TRHDE: variants seen among roughly 807,000 people sequenced by gnomAD.
TRHDE encodes the protein thyrotropin-releasing hormone-degrading ectoenzyme.
A neutral mutation model predicts 125.7 loss-of-function variants in TRHDE; 72 were observed. The observed-to-expected ratio is 0.57, with a 90% CI of 0.47 to 0.70. The LOEUF is 0.70. TRHDE is among the 30% of genes least tolerant of loss of function. The pLI, the probability that TRHDE is intolerant of heterozygous loss-of-function variation, is 0.00. For synonymous variants in TRHDE, 509 were observed against 509.1 expected, an observed-to-expected ratio of 1.00 and a Z score of 0.00; for missense variants, 1,110 against 1,327.1, an observed-to-expected ratio of 0.84 and a Z score of 2.54.
At chr12:72,564,314 C>T (rs1399010308) in intron 9 of TRHDE, among the ~76,000 whole-genome samples, 1 of 152,076 alleles carries the variant, frequency 6.6e-6, no homozygotes, top group East Asian at 1.9e-4. Context: ...TGATGTCTGG[C>T]CCCAGGCAAA....
Position 72,156,535 on chromosome 12 carries a change from T to G in TRHDE, n.279+50783T>G, listed in dbSNP as rs1267058311. 3.3e-5 allele frequency among the ~76,000 whole-genome samples: 5 copies of G among 152,236 alleles called. No individual in the cohort carries two copies. The East Asian group carries it at 9.7e-4, about 29-fold the overall frequency. On this transcript the variant is annotated intron_variant and non_coding_transcript_variant, in intron 2 of 4. Coordinates refer to the TRHDE transcript ENST00000548156. ...TCTGTTCCTATGCGGCCATCTTGGC[T>G]CCACCCCATGAGTCTTAAATAGATT... is the stretch of plus-strand genomic sequence containing the variant.
chr12:72,360,735 A>G (rs1025949894), intron 2 of TRHDE, among the ~76,000 whole-genome samples: 14 of 151,820 alleles, frequency 9.2e-5, no homozygotes, highest in Admixed American at 8.6e-4. Context: ...GTGAAAGCCA[A>G]TACTTCATGA....
chr12:72,657,089 A>G, intron 18 of TRHDE, 81 bp downstream of exon 18: 1 of 899,802 alleles, frequency 1.1e-6, no homozygotes, highest in Admixed American at 2.0e-5. Flanking sequence ...ATTTCTTTCC[A>G]ACAGATTCAC....
chr12:72,181,245 C>T (rs1877090581), intron 2 of TRHDE, among the ~76,000 whole-genome samples: 1 of 152,100 alleles, frequency 6.6e-6, no homozygotes, highest in Non-Finnish European at 1.5e-5. Context: ...GTTGGGTCAT[C>T]CTTGACTTTT....
At chr12:72,347,054 G>A (rs752491105) in intron 2 of TRHDE, among the ~76,000 whole-genome samples, 1 of 152,048 alleles carries the variant, frequency 6.6e-6, no homozygotes, top group Non-Finnish European at 1.5e-5. Flanking sequence ...CAGTGATACT[G>A]GATTAGGGGC....
intron 12 of TRHDE, among the ~76,000 whole-genome samples, chr12:72,592,708 C>CTTTTTT (rs35446767): frequency 1.4e-5 from 2 of 144,588 alleles, no homozygotes; most frequent in African/African-American, 2.5e-5. Context: ...TCTTTTCTTT[C>CTTTTTT]TTTTTTTTTT....
intron 3 of TRHDE, among the ~76,000 whole-genome samples, chr12:72,433,732 A>G (rs985076407): frequency 6.7e-6 from 1 of 150,170 alleles, no homozygotes; most frequent in Non-Finnish European, 1.5e-5. Flanking sequence ...GGTCAAAGAC[A>G]TATGACAAAT....
intron 10 of TRHDE, among the ~76,000 whole-genome samples, chr12:72,571,341 A>G (rs776508988): frequency 3.3e-5 from 5 of 152,122 alleles, no homozygotes; most frequent in Non-Finnish European, 4.4e-5. Context: ...CAATCAGGTC[A>G]ATGTTTTTGT....
chr12:72,424,021 T>C (rs1200414821), intron 3 of TRHDE, among the ~76,000 whole-genome samples: 1 of 152,196 alleles, frequency 6.6e-6, no homozygotes, highest in Non-Finnish European at 1.5e-5. Context: ...ACAAACTGGA[T>C]AACCACGTAC....
intron 7 of TRHDE, among the ~76,000 whole-genome samples, chr12:72,560,178 A>C (rs1057149123): frequency 3.3e-5 from 5 of 152,184 alleles, no homozygotes; most frequent in Admixed American, 3.3e-4. Context: ...TCTGAATATT[A>C]GGGTTACTGA....
intron 3 of TRHDE, among the ~76,000 whole-genome samples, chr12:72,460,392 C>T (rs914470089): frequency 6.6e-6 from 1 of 152,118 alleles, no homozygotes; most frequent in African/African-American, 2.4e-5. Flanking sequence ...GTAGCATATG[C>T]ACTGCATTGT....
intron 7 of TRHDE, among the ~76,000 whole-genome samples, chr12:72,559,249 T>C (rs1404312758): frequency 2.0e-5 from 3 of 152,232 alleles, no homozygotes; most frequent in African/African-American, 7.2e-5. Context: ...TAGGCACTAT[T>C]CATTCTTTTA....
At chr12:72,264,944 T>G (rs1189123671) in intron 2 of TRHDE, among the ~76,000 whole-genome samples, 1 of 151,642 alleles carries the variant, frequency 6.6e-6, no homozygotes, top group African/African-American at 2.4e-5. Context: ...AGCCAAAAGT[T>G]TCATTCAATC....
Position 72,618,881 on chromosome 12 carries a change from T to C in TRHDE, c.2322-10T>C, listed in dbSNP as rs747799600. 8.1e-6 allele frequency: 12 copies of C among 1,485,864 alleles called. No individual in the cohort carries two copies. In the South Asian group the frequency reaches 1.4e-4, roughly 17 times the overall value. The allele number at this position is 1,485,864 out of a possible 1,614,324, so 92.0% of individuals were successfully genotyped here. ...CATCATCATGTATCTTTTTTTTTTT[T>C]TAACTGTAGGGCTGGCTATTTGCCT... On this transcript the variant is annotated splice_polypyrimidine_tract_variant and intron_variant, in intron 12 of 18. Transcript: ENST00000261180.
intron 3 of TRHDE, among the ~76,000 whole-genome samples, chr12:72,441,142 A>G (rs935308228): frequency 2.0e-5 from 3 of 151,846 alleles, no homozygotes; most frequent in African/African-American, 7.3e-5. Flanking sequence ...AAAAAAATCA[A>G]TGGATAAATT....
At chr12:72,517,107 T>G (rs1441729090) in intron 6 of TRHDE, among the ~76,000 whole-genome samples, 1 of 151,796 alleles carries the variant, frequency 6.6e-6, no homozygotes, top group East Asian at 1.9e-4. Context: ...AAAATTCTCT[T>G]TTTTGGTTGT....
intron 9 of TRHDE, among the ~76,000 whole-genome samples, chr12:72,566,303 C>G (rs1592540549): frequency 6.6e-6 from 1 of 151,120 alleles, no homozygotes; most frequent in Non-Finnish European, 1.5e-5. Context: ...AAAAATTATT[C>G]TTAGGAAATA....
chr12:72,609,618 A>T (rs1872566311), intron 12 of TRHDE, among the ~76,000 whole-genome samples: 1 of 152,152 alleles, frequency 6.6e-6, no homozygotes, highest in African/African-American at 2.4e-5. Flanking sequence ...CCCTCCCTCC[A>T]CAATAAGTTA....
chr12:72,580,997 G>C (rs941362661), intron 12 of TRHDE, among the ~76,000 whole-genome samples: 2 of 152,144 alleles, frequency 1.3e-5, no homozygotes, highest in Non-Finnish European at 2.9e-5. Context: ...ACCATCGGGA[G>C]AGTGAAAGTT....
Sources: allele counts gnomAD v4.1 joint callset (sites outside exome capture counted in the v4.1 genomes callset), GRCh38; gene constraint gnomAD v4.1.1; transcripts MANE v1.5; gene names NCBI Gene and HGNC (gene_info 2026-07-23, HGNC 2026-07-21).